The following NT5DC3 variants were observed in gnomAD, a reference collection of about 807,000 sequenced individuals.
The protein encoded by NT5DC3 is 5'-nucleotidase domain containing 3.
In NT5DC3, 42 loss-of-function variants were observed where a neutral mutation model predicts 67.8. That is an observed-to-expected ratio of 0.62 (90% CI 0.48 to 0.80). NT5DC3 has a LOEUF of 0.80. Ranked by LOEUF, NT5DC3 falls within the 30% of genes least tolerant of loss-of-function variation. NT5DC3 has a pLI of 0.00. For synonymous variants in NT5DC3, 237 were observed against 255.6 expected, an observed-to-expected ratio of 0.93 and a Z score of 0.69; for missense variants, 570 against 696.4, an observed-to-expected ratio of 0.82 and a Z score of 2.04.
intron 1 of NT5DC3, among the ~76,000 whole-genome samples, chr12:103,821,464 G>C (rs899411478): frequency 2.0e-4 from 30 of 152,192 alleles, no homozygotes; most frequent in African/African-American, 6.8e-4. Flanking sequence ...ATGCTGACTA[G>C]TTTGAGGCAG....
the NT5DC3 span, chr12:103,755,435 A>C: frequency 6.2e-7 from 1 of 1,614,080 alleles, no homozygotes; most frequent in Non-Finnish European, 8.5e-7. Flanking sequence ...AACAAGAGTG[A>C]AATGTGGGAT....
intron 1 of NT5DC3, 34 bp from the exon 2 acceptor site, chr12:103,815,155 A>G (rs1318460018): frequency 2.9e-6 from 4 of 1,393,186 alleles, no homozygotes; most frequent in Non-Finnish European, 3.0e-6. Flanking sequence ...ATTATACTAC[A>G]TAATAAATAA....
At chr12:103,799,651 A>G (rs1886476209) in intron 4 of NT5DC3, among the ~76,000 whole-genome samples, 1 of 152,074 alleles carries the variant, frequency 6.6e-6, no homozygotes, top group South Asian at 2.1e-4. Context: ...CGCTCAGTGG[A>G]CTAAACCCCG....
rs564932943 is a variant in NT5DC3, at chr12:103,839,297, A to T, written c.208+1652T>A. Among the ~76,000 whole-genome samples, 7 of 152,322 alleles carry T rather than the reference A, an allele frequency of 4.6e-5. 1 individual carries two copies. The South Asian group carries it at 1.4e-3, about 32-fold the overall frequency. ...GGTCTGGCTCTGCCAACCAGGCCGG[A>T]GTACAGTGTTGCAATCTCAACTCAC... is the stretch of plus-strand genomic sequence containing the variant. On this transcript the variant is annotated intron_variant, in intron 1 of 13. Coordinates refer to ENST00000392876, the MANE Select transcript of NT5DC3 (RefSeq NM_001031701.3).
At chr12:103,804,326 G>A (rs1886708174) in intron 4 of NT5DC3, among the ~76,000 whole-genome samples, 1 of 152,294 alleles carries the variant, frequency 6.6e-6, no homozygotes, top group Non-Finnish European at 1.5e-5. Context: ...ACTGATAACA[G>A]AGGCCTGCAA....
At chr12:103,752,905 T>A in the NT5DC3 span, among the ~76,000 whole-genome samples, 1 of 152,132 alleles carries the variant, frequency 6.6e-6, no homozygotes, top group Non-Finnish European at 1.5e-5. Context: ...TAAAGTAAAA[T>A]TCTAGAAGGA....
At chr12:103,788,170 G>A (rs1885878064) in intron 10 of NT5DC3, among the ~76,000 whole-genome samples, 1 of 152,246 alleles carries the variant, frequency 6.6e-6, no homozygotes, top group Non-Finnish European at 1.5e-5. Context: ...GGCTAGGTGT[G>A]ATGGTTATGC....
In NT5DC3 at chr12:103,806,884, T is replaced by C; in HGVS notation, c.439A>G (p.Ile147Val). Reference sequence around the variant, plus strand: ...TGTACATCATAATGAAGTCCACGAATTGCAAAATTTGGGTCATACTCATAC... The same window carrying C: ...TGTACATCATAATGAAGTCCACGAACTGCAAAATTTGGGTCATACTCATAC... ...RKYEYDPNFAIRGLHYDVQRA... is the reference protein window; with the variant it reads ...RKYEYDPNFAVRGLHYDVQRA... The change falls in exon 3 of 14, where the codon ATT (isoleucine) becomes GTT (valine). Residue 147 changes from isoleucine (I) to valine (V), a missense_variant. Ile to Val is a conservative substitution (Grantham distance 29, BLOSUM62 3). Transcript: ENST00000392876. 6.2e-7 allele frequency: 1 copy of C among 1,609,940 alleles called. No individual in the cohort carries two copies. Among genetic ancestry groups the C allele is most frequent in the Non-Finnish European group, 8.5e-7 (1 of 1,176,212 alleles).
chr12:103,806,931 T>TA lies in NT5DC3; in HGVS notation c.394-3dup. On this transcript the variant is annotated splice_polypyrimidine_tract_variant and splice_region_variant and intron_variant, in intron 2 of 13. Coordinates refer to ENST00000392876, the MANE Select transcript of NT5DC3 (RefSeq NM_001031701.3). ...ATACTTCCTGATTTCTGCTGGATAC[T>TA]AAGAAAGAAGAAAGGAACTGGTTTT... 1 of 1,582,856 alleles carries TA rather than the reference T, an allele frequency of 6.3e-7. No homozygotes were observed.
intron 1 of NT5DC3, among the ~76,000 whole-genome samples, chr12:103,815,814 A>G (rs1887226792): frequency 6.6e-6 from 1 of 152,218 alleles, no homozygotes; most frequent in South Asian, 2.1e-4. Flanking sequence ...TTATTCCTCA[A>G]TAAAAGAACA....
At chr12:103,761,476 A>G in the NT5DC3 span, 52 of 1,400,398 alleles carry the variant, frequency 3.7e-5, no homozygotes, top group Non-Finnish European at 5.0e-5. Flanking sequence ...CAACAGGCAA[A>G]CCATTACCAG....
rs758483066 is a variant in NT5DC3 at position 103,778,043 on chromosome 12, C to T, written c.1433G>A (p.Ser478Asn). ...TKSFFNAQFGSLFRTDQNPTY... is the reference protein window; with the variant it reads ...TKSFFNAQFGNLFRTDQNPTY... Reference sequence around the variant, plus strand: ...TGGGTTCTGGTCTGTGCGGAACAGGCTTCCAAACTGGGCATTGAAGAAACT... The same window carrying T: ...TGGGTTCTGGTCTGTGCGGAACAGGTTTCCAAACTGGGCATTGAAGAAACT... Residue 478 changes from serine (S) to asparagine (N), a missense_variant, in exon 14 of 14, where the codon AGC (serine) becomes AAC (asparagine). By Grantham distance (46) the Ser-to-Asn change is conservative. Transcript: ENST00000392876. 10 of 1,613,836 alleles carry T rather than the reference C, an allele frequency of 6.2e-6. No individual in the cohort carries two copies. In the South Asian group the frequency reaches 1.1e-4, roughly 18 times the overall value.
the NT5DC3 span, chr12:103,755,085 G>A: frequency 1.8e-6 from 1 of 569,996 alleles, no homozygotes; most frequent in Non-Finnish European, 3.1e-6. Flanking sequence ...AAAGACCTGG[G>A]CACCTACAAG....
chr12:103,779,921 A>C (rs1476412512), intron 13 of NT5DC3, among the ~76,000 whole-genome samples: 1 of 152,166 alleles, frequency 6.6e-6, no homozygotes, highest in African/African-American at 2.4e-5. Context: ...GAATTCATTG[A>C]GGGTTCAGAG....
At chr12:103,778,821 A>G (rs1885435695) in intron 13 of NT5DC3, among the ~76,000 whole-genome samples, 1 of 152,136 alleles carries the variant, frequency 6.6e-6, no homozygotes, top group African/African-American at 2.4e-5. Flanking sequence ...AAGAAAAGAA[A>G]AGAAAAGAAA....
intron 12 of NT5DC3, among the ~76,000 whole-genome samples, chr12:103,781,370 G>C (rs1885543346): frequency 6.6e-6 from 1 of 152,228 alleles, no homozygotes; most frequent in Non-Finnish European, 1.5e-5. Context: ...ACATGTAAAG[G>C]AGAAAGACCC....
At chr12:103,803,412 T>C (rs535105591) in intron 4 of NT5DC3, among the ~76,000 whole-genome samples, 1 of 152,252 alleles carries the variant, frequency 6.6e-6, no homozygotes, top group South Asian at 2.1e-4. Flanking sequence ...AAATGAGACA[T>C]GTGCACAAAA....
intron 1 of NT5DC3, among the ~76,000 whole-genome samples, chr12:103,836,585 TCC>T (rs1253059704): frequency 1.3e-5 from 2 of 152,346 alleles, no homozygotes; most frequent in African/African-American, 4.8e-5. Context: ...CTCAGACTTT[TCC>T]CCGTTTTTGA....
intron 2 of NT5DC3, among the ~76,000 whole-genome samples, chr12:103,813,201 C>A (rs936784393): frequency 2.6e-5 from 4 of 152,206 alleles, no homozygotes; most frequent in African/African-American, 9.6e-5. Flanking sequence ...CCCTTTGGAT[C>A]CACCTTTTAG....
Sources: gnomAD v4.1 joint callset for allele counts (sites outside exome capture counted in the v4.1 genomes callset) on GRCh38, gnomAD v4.1.1 for gene constraint, MANE v1.5 for transcripts, NCBI Gene and HGNC (gene_info 2026-07-23, HGNC 2026-07-21) for gene names.